NCAM2: variants seen among roughly 807,000 people sequenced by gnomAD.
NCAM2 encodes N-CAM-2.
NCAM2 carries 30 observed loss-of-function variants against 98.1 expected under a neutral mutation model. The ratio of observed to expected loss-of-function variants is 0.31; its 90% CI spans 0.23 to 0.41. NCAM2 has a LOEUF of 0.41. Among genes scored for constraint, NCAM2 ranks in the 10% least tolerant of loss-of-function variants. NCAM2 has a pLI of 1.00. For missense variants in NCAM2, 867 were observed against 1,005.8 expected (o/e 0.86, Z 1.87); for synonymous variants, 368 against 342.4 (o/e 1.07, Z -0.83).
intron 1 of NCAM2, among the ~76,000 whole-genome samples, chr21:21,271,908 T>A (rs562882338): frequency 5.2e-4 from 78 of 151,204 alleles, no homozygotes; most frequent in African/African-American, 1.8e-3. Flanking sequence ...GTGAGGGGAG[T>A]GGGGAGGGAT....
At chr21:21,207,130 A>G (rs999562552) in intron 1 of NCAM2, among the ~76,000 whole-genome samples, 1 of 152,172 alleles carries the variant, frequency 6.6e-6, no homozygotes, top group African/African-American at 2.4e-5. Context: ...AGTGCAAGAC[A>G]CCTTATCAGT....
chr21:21,039,976 A>C (rs1048701625), intron 1 of NCAM2, among the ~76,000 whole-genome samples: 1 of 152,172 alleles, frequency 6.6e-6, no homozygotes, highest in African/African-American at 2.4e-5. Context: ...GTAGCTGCGG[A>C]TATTTCATAC....
Position 21,044,775 on chromosome 21 carries a change from G to A in NCAM2, c.55+46157G>A, listed in dbSNP as rs2064975633. 2.7e-5 allele frequency among the ~76,000 whole-genome samples: 4 copies of A among 148,548 alleles called. 1 individual carries two copies. In the South Asian group the frequency reaches 8.8e-4, roughly 33 times the overall value. On this transcript the variant is annotated intron_variant, in intron 1 of 17. Transcript: ENST00000400546. ...GAGCCCAGGAGCTTGAGACCAGCCT[G>A]GGCAACACAGGGAGATGCTGTCTCT... is the stretch of plus-strand genomic sequence containing the variant.
chr21:21,020,427 C>G (rs761055896), intron 1 of NCAM2, among the ~76,000 whole-genome samples: 15 of 152,188 alleles, frequency 9.9e-5, no homozygotes, highest in Non-Finnish European at 1.9e-4. Context: ...TGTCTGGGCT[C>G]TGGTGGAAGC....
intron 1 of NCAM2, among the ~76,000 whole-genome samples, chr21:21,030,737 A>C (rs1466308594): frequency 6.6e-6 from 1 of 152,248 alleles, no homozygotes; most frequent in Non-Finnish European, 1.5e-5. Context: ...TACTACTCTC[A>C]TCTGTGAAGA....
chr21:21,042,599 T>C (rs952280738), intron 1 of NCAM2, among the ~76,000 whole-genome samples: 5 of 152,210 alleles, frequency 3.3e-5, no homozygotes, highest in African/African-American at 1.2e-4. Flanking sequence ...TTAAATTCTT[T>C]GAGCTTTAAT....
intron 8 of NCAM2, among the ~76,000 whole-genome samples, chr21:21,356,201 A>G (rs1342469208): frequency 9.9e-5 from 15 of 152,184 alleles, no homozygotes; most frequent in Admixed American, 9.2e-4. Context: ...AACAATTTAA[A>G]TATCTCACCA....
intron 15 of NCAM2, among the ~76,000 whole-genome samples, chr21:21,491,676 A>T (rs141479903): frequency 6.6e-6 from 1 of 151,700 alleles, no homozygotes; most frequent in African/African-American, 2.4e-5. Flanking sequence ...AAAAGAGAAA[A>T]TGTTCATTTT....
chr21:21,349,145 G>C (rs181398998), intron 8 of NCAM2, among the ~76,000 whole-genome samples: 158 of 152,242 alleles, frequency 1.0e-3, no homozygotes, highest in African/African-American at 3.5e-3. Flanking sequence ...AAAGTGATGA[G>C]ATAACCAACA....
chr21:21,211,682 A>G (rs950209484), intron 1 of NCAM2, among the ~76,000 whole-genome samples: 5 of 152,204 alleles, frequency 3.3e-5, no homozygotes, highest in Non-Finnish European at 7.3e-5. Flanking sequence ...TTGGTCCAAC[A>G]TTGAAGTGCT....
At chr21:21,323,992 T>A (rs1422786423) in intron 5 of NCAM2, among the ~76,000 whole-genome samples, 3 of 152,194 alleles carry the variant, frequency 2.0e-5, no homozygotes, top group Non-Finnish European at 4.4e-5. Context: ...GGTGGTATTG[T>A]CTTTTTCTGA....
chr21:21,414,592 C>T (rs2076951641), intron 10 of NCAM2, among the ~76,000 whole-genome samples: 1 of 151,778 alleles, frequency 6.6e-6, no homozygotes, highest in African/African-American at 2.4e-5. Flanking sequence ...GCCTCACCCT[C>T]CCGAGTAGCT....
At chr21:21,234,031 A>G (rs1414463245) in intron 1 of NCAM2, among the ~76,000 whole-genome samples, 3 of 151,828 alleles carry the variant, frequency 2.0e-5, no homozygotes, top group African/African-American at 7.2e-5. Context: ...TACATTTACA[A>G]GTGCTCAATT....
At chr21:21,350,486 C>A (rs956417336) in intron 8 of NCAM2, among the ~76,000 whole-genome samples, 3 of 152,006 alleles carry the variant, frequency 2.0e-5, no homozygotes, top group Non-Finnish European at 4.4e-5. Flanking sequence ...AAAATTATGC[C>A]TTTTATATGA....
rs1382436421 is a variant in NCAM2, at chr21:21,020,045, T to C, written c.55+21427T>C. Among the ~76,000 whole-genome samples the C allele has an allele frequency of 2.6e-5, 4 of 152,140 alleles. No homozygotes were observed. In the East Asian group the frequency reaches 7.7e-4, roughly 29 times the overall value. On this transcript the variant is annotated intron_variant, in intron 1 of 17. Coordinates refer to ENST00000400546, the MANE Select transcript of NCAM2 (RefSeq NM_004540.5). ...TTTTCTTTTCCTATTTTTATTTATT[T>C]ATTCTTTTTGAGATGCTGTCTCGCA... is the stretch of plus-strand genomic sequence containing the variant.
At chr21:21,219,891 T>C (rs2070069226) in intron 1 of NCAM2, among the ~76,000 whole-genome samples, 1 of 152,120 alleles carries the variant, frequency 6.6e-6, no homozygotes, top group Non-Finnish European at 1.5e-5. Context: ...GATCCTAGGC[T>C]AATGTATGTG....
intron 12 of NCAM2, among the ~76,000 whole-genome samples, chr21:21,438,391 C>T (rs922739243): frequency 1.3e-5 from 2 of 151,948 alleles, no homozygotes; most frequent in African/African-American, 4.8e-5. Flanking sequence ...CACTGTGCAC[C>T]TGGTCCTAGG....
chr21:21,296,261 C>T (rs1039876928), intron 5 of NCAM2, among the ~76,000 whole-genome samples: 2 of 151,712 alleles, frequency 1.3e-5, no homozygotes, highest in African/African-American at 4.8e-5. Context: ...TAGATATTCA[C>T]AGACTATTTT....
rs970623374 is a variant in NCAM2, at chr21:21,538,613, G to T, written c.*656G>T. The T allele has an allele frequency of 3.3e-5, 5 of 152,168 alleles. No individual in the cohort carries two copies. Among genetic ancestry groups the T allele is most frequent in the African/African-American group, 1.2e-4 (5 of 41,402 alleles). 9.4% of individuals were successfully genotyped at this position (152,168 alleles called of 1,614,324 possible). ...TTGTTACCCATTTGAAAGAATATTAGTTGTATATAAAATTAGATTAGAAAG... is the reference window on the plus strand; with the variant it reads ...TTGTTACCCATTTGAAAGAATATTATTTGTATATAAAATTAGATTAGAAAG... On this transcript the variant is annotated 3_prime_UTR_variant, in exon 18 of 18. Coordinates refer to ENST00000400546, the MANE Select transcript of NCAM2 (RefSeq NM_004540.5).
Sources: gnomAD v4.1 joint callset for allele counts (sites outside exome capture counted in the v4.1 genomes callset) on GRCh38, gnomAD v4.1.1 for gene constraint, MANE v1.5 for transcripts, NCBI Gene and HGNC (gene_info 2026-07-23, HGNC 2026-07-21) for gene names.